Variants in PSMA2 observed in about 807,000 individuals in gnomAD.
PSMA2 encodes proteasome 20S subunit alpha 2.
A neutral mutation model predicts 35.9 loss-of-function variants in PSMA2; 2 were observed. The ratio of observed to expected loss-of-function variants is 0.06; its 90% CI spans 0.02 to 0.18. The LOEUF is 0.18. PSMA2 is among the 10% of genes least tolerant of loss of function. The pLI, the probability that PSMA2 is intolerant of heterozygous loss-of-function variation, is 1.00. For synonymous variants in PSMA2, 97 were observed against 98.2 expected (o/e 0.99, Z 0.07); for missense variants, 126 against 278.8 (o/e 0.45, Z 3.90).
intron 1 of PSMA2, among the ~76,000 whole-genome samples, chr7:42,929,443 A>C (rs1291802000): frequency 2.0e-5 from 3 of 152,156 alleles, no homozygotes; most frequent in African/African-American, 7.2e-5. Context: ...CTCTGTTCCT[A>C]TTACCTGTAC....
intron 4 of PSMA2, 126 bp downstream of exon 4, chr7:42,924,549 T>G: frequency 1.0e-6 from 1 of 958,636 alleles, no homozygotes; most frequent in Non-Finnish European, 1.5e-6. Flanking sequence ...ATATTCATCA[T>G]AGTGATTCTG....
At chr7:42,919,507 A>G (rs1466507908) in intron 6 of PSMA2, 1 of 514,904 alleles carries the variant, frequency 1.9e-6, no homozygotes, top group Non-Finnish European at 3.8e-6. Context: ...TACAGTGAGG[A>G]TAAACAGATT....
chr7:42,926,202 C>G (rs181980559), intron 3 of PSMA2, among the ~76,000 whole-genome samples: 4 of 152,214 alleles, frequency 2.6e-5, no homozygotes, highest in Non-Finnish European at 5.9e-5. Flanking sequence ...TTGCTTTTAT[C>G]ATTTTTAAAC....
At chr7:42,929,686 G>T (rs1786266854) in intron 1 of PSMA2, among the ~76,000 whole-genome samples, 1 of 152,120 alleles carries the variant, frequency 6.6e-6, no homozygotes, top group Admixed American at 6.5e-5. Context: ...CTTAGATTTT[G>T]TAATAACTTC....
intron 5 of PSMA2, 136 bp downstream of exon 5, chr7:42,923,189 C>A (rs1219054132): frequency 9.0e-6 from 6 of 668,092 alleles, no homozygotes; most frequent in African/African-American, 3.7e-5. Context: ...CAAAAATGCA[C>A]AACCTCATAC....
Position 42,930,225 on chromosome 7 carries a change from G to A in PSMA2, c.41+1893C>T, listed in dbSNP as rs62458177. Reference sequence around the variant, plus strand: ...TGTTAAAACACACACACACACACACGCACACACACACACACACACACACAA... The same window carrying A: ...TGTTAAAACACACACACACACACACACACACACACACACACACACACACAA... On this transcript the variant is annotated intron_variant, in intron 1 of 7. Transcript: ENST00000223321. Among the ~76,000 whole-genome samples, 173 of 150,382 alleles carry A rather than the reference G, an allele frequency of 1.2e-3. 1 individual carries two copies. Among genetic ancestry groups the A allele is most frequent in the Middle Eastern group, 6.8e-3 (2 of 292 alleles).
chr7:42,917,938 T>C (rs1786059456), intron 6 of PSMA2, 103 bp from the exon 7 acceptor site: 2 of 760,340 alleles, frequency 2.6e-6, no homozygotes, highest in South Asian at 2.1e-5. Context: ...TCTAAACATC[T>C]TAAAAATACT....
intron 1 of PSMA2, among the ~76,000 whole-genome samples, chr7:42,929,542 T>C (rs7458230): frequency 6.6e-6 from 1 of 152,174 alleles, no homozygotes; most frequent in Non-Finnish European, 1.5e-5. Flanking sequence ...TTATATTCCA[T>C]AATGCCACTA....
chr7:42,919,591 A>G, intron 6 of PSMA2: 2 of 536,282 alleles, frequency 3.7e-6, no homozygotes, highest in East Asian at 9.1e-5. Flanking sequence ...TCTAAATTTT[A>G]TTATGTTGGC....
intron 6 of PSMA2, chr7:42,919,274 C>T: frequency 3.3e-6 from 2 of 614,398 alleles, no homozygotes; most frequent in South Asian, 2.8e-5. Flanking sequence ...AAAGCAGCCA[C>T]AGCAGCTGCA....
In PSMA2 at chr7:42,917,638, T is replaced by C. The variant is rs1335738344; in HGVS notation, c.641A>G (p.Asn214Ser). 2.5e-6 allele frequency: 4 copies of C among 1,613,670 alleles called. No homozygotes were observed. Among genetic ancestry groups the C allele is most frequent in the South Asian group, 2.2e-5 (2 of 91,066 alleles). Reference sequence around the variant, plus strand: ...AGTAAGCCTCCTAAATCCAGCTTCATTGCAGATTCCAACTTCTATGTTATC... The same window carrying C: ...AGTAAGCCTCCTAAATCCAGCTTCACTGCAGATTCCAACTTCTATGTTATC... ...TEDNIEVGIC[N>S]EAGFRRLTPT... Residue 214 changes from asparagine (N) to serine (S), a missense_variant, in exon 8 of 8, where the codon AAT becomes AGT. Asn to Ser is a conservative substitution (Grantham distance 46, BLOSUM62 1). Coordinates refer to ENST00000223321, the MANE Select transcript of PSMA2 (RefSeq NM_002787.5).
chr7:42,919,783 C>CT, intron 6 of PSMA2: 1 of 661,712 alleles, frequency 1.5e-6, no homozygotes, highest in South Asian at 1.5e-5. Context: ...AGATGTTAAA[C>CT]TTATAAGTAT....
At chr7:42,927,530 A>G (rs1786232234) in intron 1 of PSMA2, 71 bp from the exon 2 acceptor site, 1 of 1,441,410 alleles carries the variant, frequency 6.9e-7, no homozygotes, top group East Asian at 2.3e-5. Context: ...TCTCTGAGAT[A>G]GTACAGACAT....
intron 6 of PSMA2, chr7:42,918,296 G>C (rs544654091): frequency 6.6e-6 from 1 of 152,462 alleles, no homozygotes; most frequent in African/African-American, 2.4e-5. Context: ...ACCTACCAAA[G>C]TGCTGGGATT....
intron 6 of PSMA2, chr7:42,921,273 A>G (rs1786125660): frequency 6.6e-6 from 1 of 152,288 alleles, no homozygotes; most frequent in Non-Finnish European, 1.5e-5. Context: ...ACTATTACAT[A>G]TCAAGAAATA....
At chr7:42,920,071 ACTC>A (rs977485539) in intron 6 of PSMA2, 2 of 607,834 alleles carry the variant, frequency 3.3e-6, no homozygotes, top group Non-Finnish European at 6.1e-6. Flanking sequence ...CTATTCTTCA[ACTC>A]CTCAAGTTAA....
At chr7:42,923,676 G>C (rs1055401788) in intron 4 of PSMA2, among the ~76,000 whole-genome samples, 11 of 152,210 alleles carry the variant, frequency 7.2e-5, no homozygotes, top group Non-Finnish European at 1.6e-4. Context: ...GTAACATTTA[G>C]TGTCCTAATA....
chr7:42,923,255 GC>G (rs1583606803), intron 5 of PSMA2, 69 bp downstream of exon 5: 1 of 1,165,686 alleles, frequency 8.6e-7, no homozygotes, highest in East Asian at 2.4e-5. Flanking sequence ...AGTTTTTATG[GC>G]TTCTATTTCT....
intron 3 of PSMA2, among the ~76,000 whole-genome samples, chr7:42,926,231 A>G (rs1194787616): frequency 6.6e-6 from 1 of 152,274 alleles, no homozygotes; most frequent in African/African-American, 2.4e-5. Flanking sequence ...CGAAAACTAA[A>G]GCCCTTACGC....
Sources: allele counts gnomAD v4.1 joint callset (sites outside exome capture counted in the v4.1 genomes callset), GRCh38; gene constraint gnomAD v4.1.1; transcripts MANE v1.5; gene names NCBI Gene and HGNC (gene_info 2026-07-23, HGNC 2026-07-21).